TSPEAR: variants seen among roughly 807,000 people sequenced by gnomAD.
The protein encoded by TSPEAR is thrombospondin type laminin G domain and EAR repeats, also known as thrombospondin-type laminin G domain and EAR repeat-containing protein.
Under a neutral mutation model 71.6 loss-of-function variants are expected in TSPEAR, and 69 were observed. That is an observed-to-expected ratio of 0.96 (90% CI 0.79 to 1.18). TSPEAR has a LOEUF of 1.18. TSPEAR is among the 50% of genes most tolerant of loss of function. TSPEAR has a pLI of 0.00. For synonymous variants in TSPEAR, 402 were observed against 387.2 expected, an observed-to-expected ratio of 1.04 and a Z score of -0.45; for missense variants, 971 against 894.9, an observed-to-expected ratio of 1.09 and a Z score of -1.09.
rs199544376 is a variant in TSPEAR, at chr21:44,601,506, G to A, written c.83-33501C>T. ...GCTGCCAGCAGTCTAGCTGCCAGCC[G>A]GCTTGCTGCACCACCTCCTGCTGCA... is the stretch of plus-strand genomic sequence containing the variant. On this transcript the variant is annotated intron_variant, in intron 1 of 11. Coordinates refer to ENST00000323084, the MANE Select transcript of TSPEAR (RefSeq NM_144991.3). 1.1e-3 allele frequency: 1,816 copies of A among 1,612,476 alleles called. 3 individuals are homozygous for A. The highest frequency in any genetic ancestry group is 3.2e-3 in the South Asian group (290 of 90,910).
At chr21:44,552,658 G>A (rs2053461979) in intron 2 of TSPEAR, among the ~76,000 whole-genome samples, 1 of 152,190 alleles carries the variant, frequency 6.6e-6, no homozygotes, top group South Asian at 2.1e-4. Context: ...TGACACAATT[G>A]TCCACCTAAA....
chr21:44,686,792 G>A (rs941660242), intron 1 of TSPEAR, among the ~76,000 whole-genome samples: 12 of 152,218 alleles, frequency 7.9e-5, no homozygotes, highest in Non-Finnish European at 1.3e-4. Context: ...TCTTGTGCAG[G>A]AAGGCTTAGT....
rs1447036655 is a variant in TSPEAR, at chr21:44,546,732, C to T, written c.304-12809G>A. The stretch of plus-strand genomic sequence containing the variant: ...AGCCAGCATGTGAAATATGTCATCC[C>T]AATGCCTCTGGCCTCCATGGTTTCT... On this transcript the variant is annotated intron_variant, in intron 2 of 11. Transcript: ENST00000323084. The surrounding 1 kb of genome is among the most constrained non-coding windows in gnomAD (Gnocchi z 4.4). 6.6e-6 allele frequency among the ~76,000 whole-genome samples: 1 copy of T among 152,338 alleles called. No individual in the cohort carries two copies. The highest frequency in any genetic ancestry group is 2.1e-4 in the South Asian group (1 of 4,820).
At chr21:44,587,442 T>C (rs1033422463) in intron 1 of TSPEAR, among the ~76,000 whole-genome samples, 1 of 152,172 alleles carries the variant, frequency 6.6e-6, no homozygotes, top group Non-Finnish European at 1.5e-5. Flanking sequence ...AGAATCAATG[T>C]TGTGAAAATG....
intron 1 of TSPEAR, among the ~76,000 whole-genome samples, chr21:44,621,155 A>G (rs1221563340): frequency 6.6e-6 from 1 of 152,176 alleles, no homozygotes; most frequent in African/African-American, 2.4e-5. Context: ...GTGTTTTTGC[A>G]CATATCTGTT....
Position 44,623,140 on chromosome 21 carries a change from A to T in TSPEAR, c.83-55135T>A, listed in dbSNP as rs1555933804. Among the ~76,000 whole-genome samples the T allele has an allele frequency of 6.6e-6, 1 of 152,248 alleles. No individual in the cohort carries two copies. Among genetic ancestry groups the T allele is most frequent in the South Asian group, 2.1e-4 (1 of 4,822 alleles). On this transcript the variant is annotated intron_variant, in intron 1 of 11. Coordinates refer to ENST00000323084, the MANE Select transcript of TSPEAR (RefSeq NM_144991.3). The surrounding 1 kb of genome is among the most constrained non-coding windows in gnomAD (Gnocchi z 4.5). The stretch of plus-strand genomic sequence containing the variant: ...GAGCCAACTAAACTTTCGTCTTATA[A>T]ATTACCCAGTCTCAAATATTTCTTT...
At chr21:44,592,376 A>G (rs1980024816) in intron 1 of TSPEAR, 1 of 1,553,348 alleles carries the variant, frequency 6.4e-7, no homozygotes. Flanking sequence ...CTCTCTGGGC[A>G]GTCGTCCACC....
At position 44,498,415 on chromosome 21, in the gene TSPEAR, G is replaced by A. The variant is rs1378326462; in HGVS notation, c.*1368C>T. 2 of 152,248 alleles carry A rather than the reference G, an allele frequency of 1.3e-5. No individual in the cohort carries two copies. The highest frequency in any genetic ancestry group is 2.4e-5 in the African/African-American group (1 of 41,452). The allele number at this position is 152,248 out of a possible 1,614,324, so 9.4% of individuals were successfully genotyped here. ...GAAAGCCTTGCTGGCTGGACGGAGG[G>A]GAAGGAGGCTCTCGGCGACTGCCCC... On this transcript the variant is annotated 3_prime_UTR_variant, in exon 12 of 12. Coordinates refer to ENST00000323084, the MANE Select transcript of TSPEAR (RefSeq NM_144991.3).
At chr21:44,505,139 C>T (rs587612539) in intron 10 of TSPEAR, among the ~76,000 whole-genome samples, 3 of 152,112 alleles carry the variant, frequency 2.0e-5, no homozygotes, top group Non-Finnish European at 4.4e-5. Flanking sequence ...AGTGCAGTGG[C>T]GAGATCTCGG....
chr21:44,515,932 TCACGG>T (rs1244365016), intron 9 of TSPEAR: 2 of 152,304 alleles, frequency 1.3e-5, no homozygotes, highest in Non-Finnish European at 2.9e-5. Context: ...GGCACTCCCG[TCACGG>T]CCCAAACCAG....
At chr21:44,538,449 T>TG (rs2053134353) in intron 2 of TSPEAR, among the ~76,000 whole-genome samples, 2 of 140,810 alleles carry the variant, frequency 1.4e-5, no homozygotes, top group Non-Finnish European at 3.1e-5. Context: ...GAGGAGAACC[T>TG]GGGCAGCGCC....
chr21:44,654,554 C>A, intron 1 of TSPEAR: 1 of 1,609,836 alleles, frequency 6.2e-7, no homozygotes, highest in Non-Finnish European at 8.5e-7. Flanking sequence ...GTGCTGGGGA[C>A]ACAGCACGGG....
In TSPEAR at chr21:44,567,895, C is replaced by T. The variant is rs76207741; in HGVS notation, c.193G>A (p.Ala65Thr). The change falls in exon 2 of 12, where the codon GCC becomes ACC. Residue 65 changes from alanine (A) to threonine (T), a missense_variant. Coordinates refer to ENST00000323084, the MANE Select transcript of TSPEAR (RefSeq NM_144991.3). Reference sequence around the variant, plus strand: ...GCTGGGAAGCTCATGGTGCGGGGGGCGGCTACTGAGAGCTGGAGTCCCCGT... The same window carrying T: ...GCTGGGAAGCTCATGGTGCGGGGGGTGGCTACTGAGAGCTGGAGTCCCCGT... ...GARGLQLSVA[A>T]PRTMSFPASR... The T allele has an allele frequency of 3.1e-4, 494 of 1,607,056 alleles. 2 individuals are homozygous for T. The South Asian group carries it at 3.6e-3, about 12-fold the overall frequency.
chr21:44,654,633 G>C (rs879994134), intron 1 of TSPEAR: 1 of 1,499,894 alleles, frequency 6.7e-7, no homozygotes, highest in Non-Finnish European at 9.0e-7. Flanking sequence ...GTGGACAGGT[G>C]GGGGGCGCAG....
intron 1 of TSPEAR, chr21:44,579,808 G>T: frequency 6.2e-7 from 1 of 1,609,752 alleles, no homozygotes; most frequent in Non-Finnish European, 8.5e-7. Context: ...GGAGGGACAC[G>T]CAGGAGGCCG....
intron 8 of TSPEAR, among the ~76,000 whole-genome samples, chr21:44,523,896 TAATC>T (rs1306656626): frequency 6.6e-6 from 1 of 151,306 alleles, no homozygotes; most frequent in Non-Finnish European, 1.5e-5. Flanking sequence ...GTCAGGTTAT[TAATC>T]AGTCAGGTAG....
chr21:44,610,632 G>A (rs1189630204), intron 1 of TSPEAR, among the ~76,000 whole-genome samples: 1 of 152,220 alleles, frequency 6.6e-6, no homozygotes, highest in Non-Finnish European at 1.5e-5. Flanking sequence ...AGTCCCTACT[G>A]GGGCACTGCC....
chr21:44,586,514 A>G (rs1325466269), intron 1 of TSPEAR, among the ~76,000 whole-genome samples: 3 of 152,220 alleles, frequency 2.0e-5, no homozygotes, highest in Admixed American at 2.0e-4. Flanking sequence ...CTGCAAGGAC[A>G]TAATCCATTT....
chr21:44,631,348 G>A (rs1189798166), intron 1 of TSPEAR, among the ~76,000 whole-genome samples: 3 of 152,104 alleles, frequency 2.0e-5, no homozygotes, highest in Admixed American at 6.5e-5. Context: ...TCCCACAGCC[G>A]ATTTGAACAG....
Sources: gnomAD v4.1 joint callset for allele counts (sites outside exome capture counted in the v4.1 genomes callset) on GRCh38, gnomAD v4.1.1 for gene constraint, Gnocchi (gnomAD v3.1) non-coding constraint, MANE v1.5 for transcripts, NCBI Gene and HGNC (gene_info 2026-07-23, HGNC 2026-07-21) for gene names.